Variants in KDM1B observed in about 807,000 individuals in gnomAD.
KDM1B encodes lysine demethylase 1B.
In KDM1B, 63 loss-of-function variants were observed where a neutral mutation model predicts 107.4. That is an observed-to-expected ratio of 0.59 (90% CI 0.48 to 0.72). KDM1B has a LOEUF of 0.72. Among genes scored for constraint, KDM1B ranks in the 30% least tolerant of loss-of-function variants. The probability of loss-of-function intolerance (pLI) is 0.00; values close to 1 mark genes in which losing one functional copy is unlikely to be tolerated. For synonymous variants in KDM1B, 363 were observed against 363.9 expected, an observed-to-expected ratio of 1.00 and a Z score of 0.03; for missense variants, 749 against 1,020.8, an observed-to-expected ratio of 0.73 and a Z score of 3.63.
At chr6:18,157,327 A>G (rs551993849) in intron 2 of KDM1B, among the ~76,000 whole-genome samples, 1 of 152,360 alleles carries the variant, frequency 6.6e-6, no homozygotes, top group African/African-American at 2.4e-5. Flanking sequence ...AACCCTCGAT[A>G]AGATTTAATA....
At chr6:18,173,105 AAG>A (rs1554142091) in intron 7 of KDM1B, among the ~76,000 whole-genome samples, 1 of 151,836 alleles carries the variant, frequency 6.6e-6, no homozygotes, top group Non-Finnish European at 1.5e-5. Context: ...AAAAAAAAAA[AAG>A]TGTAATCAGT....
intron 7 of KDM1B, among the ~76,000 whole-genome samples, chr6:18,174,020 G>A (rs985786994): frequency 2.0e-5 from 3 of 152,218 alleles, no homozygotes; most frequent in East Asian, 1.9e-4. Context: ...TCCTGACCTC[G>A]TGATCCACCT....
chr6:18,215,741 CTTT>C (rs779967439), intron 20 of KDM1B, among the ~76,000 whole-genome samples: 1 of 140,702 alleles, frequency 7.1e-6, no homozygotes, highest in Non-Finnish European at 1.6e-5. Context: ...ACACACTTCC[CTTT>C]TTTTTTTTTT....
At chr6:18,158,470 C>T (rs1784775690) in intron 2 of KDM1B, among the ~76,000 whole-genome samples, 1 of 152,032 alleles carries the variant, frequency 6.6e-6, no homozygotes, top group South Asian at 2.1e-4. Context: ...GTTAATACAG[C>T]TCACAAATAT....
intron 9 of KDM1B, among the ~76,000 whole-genome samples, chr6:18,190,082 G>A (rs913321159): frequency 3.4e-4 from 51 of 151,940 alleles, no homozygotes; most frequent in Non-Finnish European, 1.2e-4. Context: ...CCTGGGAGGC[G>A]GAGGTTGCAG....
intron 5 of KDM1B, among the ~76,000 whole-genome samples, chr6:18,164,671 C>A (rs1785177890): frequency 6.6e-6 from 1 of 151,818 alleles, no homozygotes; most frequent in Non-Finnish European, 1.5e-5. Context: ...CTTTTCTTTT[C>A]TTTTGAGACA....
At chr6:18,163,767 G>A (rs1440381122) in intron 5 of KDM1B, among the ~76,000 whole-genome samples, 1 of 152,160 alleles carries the variant, frequency 6.6e-6, no homozygotes, top group Non-Finnish European at 1.5e-5. Flanking sequence ...GTTTAGTTCA[G>A]CAATGGTCTG....
intron 7 of KDM1B, among the ~76,000 whole-genome samples, chr6:18,184,316 C>T (rs1786688295): frequency 7.1e-6 from 1 of 140,768 alleles, no homozygotes; most frequent in African/African-American, 2.6e-5. Flanking sequence ...GCTTTGTCGC[C>T]CAGGCTGGAG....
intron 7 of KDM1B, 68 bp downstream of exon 7, chr6:18,171,547 A>G (rs1785664850): frequency 7.1e-6 from 6 of 845,304 alleles, no homozygotes; most frequent in African/African-American, 1.7e-5. Context: ...AATGGTGTAT[A>G]TGTTTTTCAT....
intron 9 of KDM1B, among the ~76,000 whole-genome samples, chr6:18,189,674 C>T (rs1787143807): frequency 6.6e-6 from 1 of 152,118 alleles, no homozygotes; most frequent in African/African-American, 2.4e-5. Flanking sequence ...ACTTTCATAA[C>T]ATTTTTTTCA....
At chr6:18,207,990 A>T (rs1788504564) in intron 16 of KDM1B, 142 bp from the exon 17 acceptor site, 1 of 689,690 alleles carries the variant, frequency 1.4e-6, no homozygotes, top group South Asian at 1.6e-5. Flanking sequence ...GTTCAGCTAT[A>T]ACAATTGTTT....
Position 18,213,973 on chromosome 6 carries a change from C to T in KDM1B, c.2109+192C>T, listed in dbSNP as rs1789038984. ...GGAGCCCCAGTATTTGCCATGTCTT[C>T]TTAAAGTCCTCATGTTGCTCCCTGG... is the stretch of plus-strand genomic sequence containing the variant. On this transcript the variant is annotated intron_variant, in intron 19 of 21. Transcript: ENST00000650836. The surrounding 1 kb of genome is among the most constrained non-coding windows in gnomAD (Gnocchi z 5.9). Among the ~76,000 whole-genome samples, 1 of 152,182 alleles carries T rather than the reference C, an allele frequency of 6.6e-6. No homozygotes were observed. The highest frequency in any genetic ancestry group is 6.5e-5 in the Admixed American group (1 of 15,272).
intron 5 of KDM1B, among the ~76,000 whole-genome samples, chr6:18,165,990 T>C (rs1202053075): frequency 1.3e-5 from 2 of 152,114 alleles, no homozygotes; most frequent in East Asian, 3.8e-4. Flanking sequence ...CTGAGCAACA[T>C]AGCAACACCC....
rs1787716178 is a variant in KDM1B, at chr6:18,197,330, A to G, written c.1146+97A>G. ...ATATAGTAAAAGCCACATTATCACC[A>G]TAAAACTTAACAGAAGCAAGGCTTT... On this transcript the variant is annotated intron_variant, in intron 11 of 21. Transcript: ENST00000650836. The surrounding 1 kb of genome is among the most constrained non-coding windows in gnomAD (Gnocchi z 4.5). 5.2e-6 allele frequency: 6 copies of G among 1,164,010 alleles called. No individual in the cohort carries two copies. Among genetic ancestry groups the G allele is most frequent in the South Asian group, 4.6e-5 (3 of 65,632 alleles). The allele number at this position is 1,164,010 out of a possible 1,614,324, so 72.1% of individuals were successfully genotyped here.
intron 3 of KDM1B, among the ~76,000 whole-genome samples, chr6:18,161,014 A>G (rs1784937976): frequency 6.6e-6 from 1 of 151,912 alleles, no homozygotes; most frequent in Non-Finnish European, 1.5e-5. Flanking sequence ...TCAGCCACCC[A>G]AAGTGCTGGG....
At chr6:18,165,637 A>G (rs1785249260) in intron 5 of KDM1B, among the ~76,000 whole-genome samples, 1 of 152,122 alleles carries the variant, frequency 6.6e-6, no homozygotes, top group Non-Finnish European at 1.5e-5. Flanking sequence ...AGCCTGGCCA[A>G]CATGACGAAA....
At position 18,197,159 on chromosome 6, in the gene KDM1B, A is replaced by G. The variant is rs751277506; in HGVS notation, c.1072A>G (p.Arg358Gly). The change falls in exon 11 of 22, where the codon AGA (arginine) becomes GGA (glycine). Residue 358 changes from arginine to glycine, a missense_variant. By Grantham distance (125) the Arg-to-Gly change is moderately radical (BLOSUM62 -2). Transcript: ENST00000650836. The surrounding 1 kb of genome is among the most constrained non-coding windows in gnomAD (Gnocchi z 4.5). ...GGAGAGAATACTGTATTTTATGACC[A>G]GAAAAGGTCTCATCAACACTGGAGT... ...EVERILYFMTRKGLINTGVLS... is the reference protein window; with the variant it reads ...EVERILYFMTGKGLINTGVLS... The G allele has an allele frequency of 1.5e-5, 24 of 1,614,060 alleles. No homozygotes were observed. Among genetic ancestry groups the G allele is most frequent in the Non-Finnish European group, 1.9e-5 (22 of 1,180,024 alleles).
At position 18,210,360 on chromosome 6, in the gene KDM1B, T is replaced by TG. The variant is rs1561951826; in HGVS notation, c.1867-2128_1867-2127insG. Among the ~76,000 whole-genome samples the TG allele has an allele frequency of 1.2e-3, 84 of 69,312 alleles. 1 individual carries two copies. Among genetic ancestry groups the TG allele is most frequent in the African/African-American group, 4.7e-3 (80 of 16,852 alleles). The allele number at this position is 69,312 out of a possible 152,430, so 45.5% of individuals were successfully genotyped here. On this transcript the variant is annotated intron_variant, in intron 17 of 21. Transcript: ENST00000650836. ...TTCTTTTCTTTTTTTTTTTTTTTTT[T>TG]TTTTTTTTTTTTGTTTTACAGGGTC...
rs781013424 is a variant in KDM1B, at chr6:18,222,162, C to T, written c.*170C>T. On this transcript the variant is annotated 3_prime_UTR_variant, in exon 22 of 22. Transcript: ENST00000650836. ...TATTTCATCACTCTAAAAGCACTGACCTCAAAAAACCTTATAAGCACTTAG... is the reference window on the plus strand; with the variant it reads ...TATTTCATCACTCTAAAAGCACTGATCTCAAAAAACCTTATAAGCACTTAG... 2.8e-6 allele frequency: 2 copies of T among 713,036 alleles called. No homozygotes were observed. Among genetic ancestry groups the T allele is most frequent in the Non-Finnish European group, 5.1e-6 (2 of 391,396 alleles). The allele number at this position is 713,036 out of a possible 1,614,324, so 44.2% of individuals were successfully genotyped here.
Sources: allele counts gnomAD v4.1 joint callset (sites outside exome capture counted in the v4.1 genomes callset), GRCh38; gene constraint gnomAD v4.1.1; non-coding constraint Gnocchi (gnomAD v3.1); transcripts MANE v1.5; gene names NCBI Gene and HGNC (gene_info 2026-07-23, HGNC 2026-07-21).